Variants in ZNF503 observed in about 807,000 individuals in gnomAD.
The protein encoded by ZNF503 is NocA-like zinc finger 2.
ZNF503 carries 15 observed loss-of-function variants against 34.4 expected under a neutral mutation model. The ratio of observed to expected loss-of-function variants is 0.44; its 90% CI spans 0.29 to 0.67. The LOEUF is 0.67. Among genes scored for constraint, ZNF503 ranks in the 30% least tolerant of loss-of-function variants. ZNF503 has a pLI of 0.13. For synonymous variants in ZNF503, 580 were observed against 456.8 expected (o/e 1.27, Z -3.44); for missense variants, 1,007 against 926.8 (o/e 1.09, Z -1.12).
At chr10:75,321,541 A>G in the ZNF503 span, among the ~76,000 whole-genome samples, 1 of 152,202 alleles carries the variant, frequency 6.6e-6, no homozygotes, top group African/African-American at 2.4e-5. Flanking sequence ...GCTATAGACA[A>G]TGAAGTCCAG....
the ZNF503 span, among the ~76,000 whole-genome samples, chr10:75,329,310 G>C: frequency 3.3e-5 from 5 of 151,150 alleles, no homozygotes; most frequent in South Asian, 8.4e-4. Context: ...AGTTTTTTTG[G>C]TGGCACTTTC....
chr10:75,355,412 C>T, the ZNF503 span, among the ~76,000 whole-genome samples: 43 of 152,250 alleles, frequency 2.8e-4, no homozygotes, highest in African/African-American at 9.2e-4. Flanking sequence ...ATTTAATCTG[C>T]GCAAGTGTCC....
the ZNF503 span, among the ~76,000 whole-genome samples, chr10:75,376,927 C>T: frequency 6.6e-6 from 1 of 152,230 alleles, no homozygotes; most frequent in Admixed American, 6.5e-5. Context: ...CTGGTCCTGC[C>T]CTTGACATGT....
chr10:75,373,987 A>G, the ZNF503 span, among the ~76,000 whole-genome samples: 2 of 152,234 alleles, frequency 1.3e-5, no homozygotes, highest in East Asian at 1.9e-4. Context: ...GACTTGGCAT[A>G]CTCTAAAATG....
At chr10:75,334,212 CG>C in the ZNF503 span, among the ~76,000 whole-genome samples, 2 of 150,262 alleles carry the variant, frequency 1.3e-5, no homozygotes, top group African/African-American at 2.4e-5. Flanking sequence ...TCGGGCCCCG[CG>C]GGGCCCGTCC....
At chr10:75,370,361 G>A in the ZNF503 span, among the ~76,000 whole-genome samples, 13 of 152,284 alleles carry the variant, frequency 8.5e-5, no homozygotes, top group East Asian at 2.5e-3. Context: ...TAAGAAAATA[G>A]TGGGCTATCT....
At chr10:75,362,315 T>C in the ZNF503 span, among the ~76,000 whole-genome samples, 6 of 152,008 alleles carry the variant, frequency 3.9e-5, no homozygotes, top group Non-Finnish European at 8.8e-5. Context: ...AGCCTCAGAA[T>C]GTTCCGTATA....
At chr10:75,336,436 G>GTTA in the ZNF503 span, among the ~76,000 whole-genome samples, 3 of 149,790 alleles carry the variant, frequency 2.0e-5, no homozygotes, top group South Asian at 2.1e-4. Context: ...AATCATCATC[G>GTTA]TTATTATTAT....
the ZNF503 span, among the ~76,000 whole-genome samples, chr10:75,329,268 C>T: frequency 6.6e-6 from 1 of 151,894 alleles, no homozygotes; most frequent in Non-Finnish European, 1.5e-5. Context: ...TTGTATCCTG[C>T]AACTTTGCTG....
chr10:75,362,599 G>C, the ZNF503 span, among the ~76,000 whole-genome samples: 140 of 152,184 alleles, frequency 9.2e-4, no homozygotes, highest in African/African-American at 3.1e-3. Context: ...CTATATTATG[G>C]GATTTGCATT....
the ZNF503 span, among the ~76,000 whole-genome samples, chr10:75,365,441 C>T: frequency 4.6e-3 from 694 of 152,310 alleles, 9 homozygotes; most frequent in African/African-American, 0.016. Context: ...CCACCGTGCC[C>T]GGCCCCACTT....
At chr10:75,363,869 C>T in the ZNF503 span, among the ~76,000 whole-genome samples, 13 of 152,194 alleles carry the variant, frequency 8.5e-5, no homozygotes. Context: ...CTCTGTTCTG[C>T]ACAGATCCTT....
At chr10:75,391,680 G>A in the ZNF503 span, among the ~76,000 whole-genome samples, 1 of 152,148 alleles carries the variant, frequency 6.6e-6, no homozygotes, top group Admixed American at 6.5e-5. Flanking sequence ...TTCTTTGGAA[G>A]CATAATTTTA....
the ZNF503 span, among the ~76,000 whole-genome samples, chr10:75,297,469 G>A: frequency 6.6e-6 from 1 of 152,200 alleles, no homozygotes; most frequent in Non-Finnish European, 1.5e-5. Context: ...TTCTGGAGGT[G>A]TATTTGTGGA....
At chr10:75,302,956 C>A in the ZNF503 span, among the ~76,000 whole-genome samples, 1 of 152,192 alleles carries the variant, frequency 6.6e-6, no homozygotes, top group Non-Finnish European at 1.5e-5. Context: ...GTTTTTGTAT[C>A]CCTTTGGTAG....
chr10:75,287,476 C>A, the ZNF503 span, among the ~76,000 whole-genome samples: 1 of 152,148 alleles, frequency 6.6e-6, no homozygotes, highest in Non-Finnish European at 1.5e-5. Flanking sequence ...TTCCAGCCTG[C>A]CCTGGAGCCC....
rs746627047 is a variant in ZNF503 at position 75,400,005 on chromosome 10, G to C, written c.685C>G (p.Pro229Ala). The change falls in exon 2 of 2, where the codon CCG (proline) becomes GCG (alanine). Residue 229 changes from proline to alanine, a missense_variant. Pro to Ala is a conservative substitution (Grantham distance 27). Coordinates refer to ENST00000372524, the MANE Select transcript of ZNF503 (RefSeq NM_032772.6). ...CQPFTPRTGSPSSSASACSPG... is the reference protein window; with the variant it reads ...CQPFTPRTGSASSSASACSPG... ...GAGCAGGCCGAGGCGCTGGAGCTCGGGCTGCCTGTCCTGGGCGTGAATGGC... is the reference window on the plus strand; with the variant it reads ...GAGCAGGCCGAGGCGCTGGAGCTCGCGCTGCCTGTCCTGGGCGTGAATGGC... The C allele has an allele frequency of 6.2e-7, 1 of 1,604,936 alleles. No homozygotes were observed. The highest frequency in any genetic ancestry group is 1.1e-5 in the South Asian group (1 of 90,470).
the ZNF503 span, among the ~76,000 whole-genome samples, chr10:75,355,098 G>GC: frequency 2.0e-5 from 3 of 152,104 alleles, no homozygotes; most frequent in Non-Finnish European, 2.9e-5. Context: ...GCCCGCCTTG[G>GC]CCCCCCAAAG....
At chr10:75,354,845 T>G in the ZNF503 span, among the ~76,000 whole-genome samples, 1 of 77,314 alleles carries the variant, frequency 1.3e-5, no homozygotes, top group Non-Finnish European at 3.2e-5. Context: ...ATTTTTGTTT[T>G]GTTTTGTTTT....
Sources: allele counts gnomAD v4.1 joint callset (sites outside exome capture counted in the v4.1 genomes callset), GRCh38; gene constraint gnomAD v4.1.1; transcripts MANE v1.5; gene names NCBI Gene and HGNC (gene_info 2026-07-23, HGNC 2026-07-21).